The following NLRP11 variants were observed in gnomAD, a reference collection of about 807,000 sequenced individuals.
NLRP11 encodes the protein NLR family pyrin domain containing 11.
A neutral mutation model predicts 79.3 loss-of-function variants in NLRP11; 53 were observed. That is an observed-to-expected ratio of 0.67 (90% confidence interval 0.54 to 0.84). NLRP11 has a LOEUF of 0.84. NLRP11 is among the 40% of genes least tolerant of loss of function. NLRP11 has a pLI of 0.00. For missense variants in NLRP11, 1,264 were observed against 1,255.0 expected (o/e 1.01, Z -0.11); for synonymous variants, 518 against 462.6 (o/e 1.12, Z -1.54).
exon 7 of NLRP11, chr19:55,792,341 A>G (rs763557527): frequency 1.9e-6 from 3 of 1,614,066 alleles, no homozygotes; most frequent in African/African-American, 2.7e-5. Context: ...AGCAAGGGAA[A>G]CGTCACATGC....
At chr19:55,789,477 G>A (rs1990109685) in intron 7 of NLRP11, 78 bp from the exon 8 acceptor site, 1 of 1,343,930 alleles carries the variant, frequency 7.4e-7, no homozygotes, top group South Asian at 1.4e-5. Flanking sequence ...AAGCATTCTT[G>A]GACCCGTCTT....
upstream of NLRP11, chr19:55,833,010 A>T (rs1330868149): frequency 6.6e-6 from 1 of 152,242 alleles, no homozygotes; most frequent in Non-Finnish European, 1.5e-5. Flanking sequence ...GTTAGGATTC[A>T]AAGCAGCTTT....
intron 1 of NLRP11, among the ~76,000 whole-genome samples, chr19:55,823,311 G>GA (rs1346173092): frequency 4.4e-5 from 6 of 135,016 alleles, no homozygotes; most frequent in Admixed American, 3.7e-4. Flanking sequence ...CAAAGATGGG[G>GA]AAAAAACAGA....
At chr19:55,819,469 T>TC (rs1981476556) in intron 1 of NLRP11, among the ~76,000 whole-genome samples, 1 of 152,146 alleles carries the variant, frequency 6.6e-6, no homozygotes, top group African/African-American at 2.4e-5. Context: ...CACGAGAAGT[T>TC]GAGATTGCCG....
At chr19:55,830,864 C>T (rs544531650) in intron 1 of NLRP11, among the ~76,000 whole-genome samples, 2 of 152,050 alleles carry the variant, frequency 1.3e-5, no homozygotes, top group African/African-American at 2.4e-5. Context: ...AGCTGATCAC[C>T]GCACAGTTGG....
chr19:55,808,662 T>C, intron 3 of NLRP11, 107 bp downstream of exon 3: 1 of 996,592 alleles, frequency 1.0e-6, no homozygotes, highest in South Asian at 1.7e-5. Context: ...AGATTGGAAG[T>C]CAAGTTCTTC....
intron 2 of NLRP11, among the ~76,000 whole-genome samples, chr19:55,817,164 A>G (rs1304894884): frequency 6.9e-6 from 1 of 144,494 alleles, no homozygotes; most frequent in African/African-American, 2.7e-5. Context: ...AATGGCCATG[A>G]TAAAAAAAAA....
At chr19:55,807,599 A>C (rs909606792) in intron 4 of NLRP11, among the ~76,000 whole-genome samples, 3 of 152,198 alleles carry the variant, frequency 2.0e-5, no homozygotes, top group African/African-American at 4.8e-5. Context: ...GCTTCTAGAT[A>C]AACCTTTCCT....
At chr19:55,808,809 T>A in exon 3 of NLRP11, 1 of 1,611,508 alleles carries the variant, frequency 6.2e-7, no homozygotes, top group Non-Finnish European at 8.5e-7. Context: ...TTTTGAAAGA[T>A]GCGCTGAACA....
At chr19:55,787,855 G>A (rs1989979668) in intron 9 of NLRP11, among the ~76,000 whole-genome samples, 1 of 152,182 alleles carries the variant, frequency 6.6e-6, no homozygotes, top group South Asian at 2.1e-4. Flanking sequence ...AAGACCCTTA[G>A]CCCAACAGCA....
intron 5 of NLRP11, among the ~76,000 whole-genome samples, chr19:55,800,197 T>C (rs1272111617): frequency 6.6e-6 from 1 of 152,180 alleles, no homozygotes; most frequent in Non-Finnish European, 1.5e-5. Flanking sequence ...AGTGGTATTA[T>C]CCAATATTGA....
At position 55,789,280 on chromosome 19, in the gene NLRP11, T is replaced by C. The variant is rs767152510; in HGVS notation, c.2633A>G (p.Gln878Arg). 1.1e-5 allele frequency: 18 copies of C among 1,614,116 alleles called. No individual in the cohort carries two copies. In the South Asian group the frequency reaches 2.0e-4, roughly 18 times the overall value. The change falls in exon 8 of 10, where the codon CAG becomes CGG. Residue 878 changes from glutamine (Q) to arginine (R), a missense_variant. By Grantham distance (43) the Gln-to-Arg change is conservative (BLOSUM62 1). Coordinates refer to ENST00000589093, the Ensembl canonical transcript of NLRP11. ...ATGTCTCAAACCACCACATAGCAGC[T>C]GCATTCCTGCATCTTCTATTTTGTT...
chr19:55,818,554 AAT>A (rs1480282446), intron 1 of NLRP11, among the ~76,000 whole-genome samples: 2 of 152,166 alleles, frequency 1.3e-5, no homozygotes, highest in African/African-American at 4.8e-5. Flanking sequence ...TTTCTTTTGA[AAT>A]TGTCAACCCT....
intron 5 of NLRP11, among the ~76,000 whole-genome samples, chr19:55,801,352 G>A (rs1241376119): frequency 6.6e-6 from 1 of 152,126 alleles, no homozygotes; most frequent in Non-Finnish European, 1.5e-5. Context: ...TATCAGTCAA[G>A]GGAGGGAGAA....
At chr19:55,806,137 T>C (rs916680527) in intron 4 of NLRP11, among the ~76,000 whole-genome samples, 1 of 152,228 alleles carries the variant, frequency 6.6e-6, no homozygotes, top group Non-Finnish European at 1.5e-5. Flanking sequence ...CACTTTATGT[T>C]GGAGAACTCC....
chr19:55,817,154 A>G (rs1157301644), intron 2 of NLRP11, among the ~76,000 whole-genome samples: 2 of 149,060 alleles, frequency 1.3e-5, no homozygotes, highest in Non-Finnish European at 2.9e-5. Context: ...CTCCTGCAAG[A>G]ATGGCCATGA....
At chr19:55,831,098 CCA>C (rs1264221356) in intron 1 of NLRP11, among the ~76,000 whole-genome samples, 1 of 118,302 alleles carries the variant, frequency 8.5e-6, no homozygotes, top group African/African-American at 3.3e-5. Context: ...ACCCACCGCC[CCA>C]CCCCCCCCAT....
intron 1 of NLRP11, among the ~76,000 whole-genome samples, chr19:55,821,247 A>ACCCC (rs1209588601): frequency 8.4e-6 from 1 of 119,374 alleles, no homozygotes; most frequent in Non-Finnish European, 1.8e-5. Context: ...ACACACACAC[A>ACCCC]CACCCCAAGC....
chr19:55,836,388 A>C (rs1399196352), upstream of NLRP11: 1 of 152,126 alleles, frequency 6.6e-6, no homozygotes, highest in African/African-American at 2.4e-5. Context: ...AAAGGTCTAG[A>C]ACAGCCCCTC....
Sources: allele counts gnomAD v4.1 joint callset (sites outside exome capture counted in the v4.1 genomes callset), GRCh38; gene constraint gnomAD v4.1.1; transcripts MANE v1.5; gene names NCBI Gene and HGNC (gene_info 2026-07-23, HGNC 2026-07-21).